Variants in ZNF638 observed in about 807,000 individuals in gnomAD.
The protein encoded by ZNF638 is CTCL tumor antigen se33-1.
Under a neutral mutation model 195.6 loss-of-function variants are expected in ZNF638, and 46 were observed. That is an observed-to-expected ratio of 0.24 (90% CI 0.19 to 0.30). The LOEUF (loss-of-function observed/expected upper bound fraction) is 0.30. Among genes scored for constraint, ZNF638 ranks in the 10% least tolerant of loss-of-function variants. The pLI, the probability that ZNF638 is intolerant of heterozygous loss-of-function variation, is 1.00. For synonymous variants in ZNF638, 845 were observed against 772.0 expected, an observed-to-expected ratio of 1.09 and a Z score of -1.57; for missense variants, 2,440 against 2,325.3, an observed-to-expected ratio of 1.05 and a Z score of -1.01.
At chr2:71,334,789 C>T (rs971178095) in intron 1 of ZNF638, among the ~76,000 whole-genome samples, 3 of 151,808 alleles carry the variant, frequency 2.0e-5, no homozygotes, top group Non-Finnish European at 4.4e-5. Flanking sequence ...GGCGTGGTGG[C>T]GGGCGCCTGT....
intron 8 of ZNF638, among the ~76,000 whole-genome samples, chr2:71,371,630 G>A (rs2079315202): frequency 6.6e-6 from 1 of 151,608 alleles, no homozygotes; most frequent in Non-Finnish European, 1.5e-5. Context: ...GTGCCTTTTT[G>A]CCATTTATGT....
chr2:71,352,495 T>TAAAAAAAAAAAAAAAAAA (rs58110916), intron 2 of ZNF638, among the ~76,000 whole-genome samples: 1 of 134,630 alleles, frequency 7.4e-6, no homozygotes, highest in Non-Finnish European at 1.6e-5. Flanking sequence ...ATAAAAAAAA[T>TAAAAAAAAAAAAAAAAAA]AAAAAAAAAA....
chr2:71,372,301 C>G (rs1265361176), intron 8 of ZNF638, among the ~76,000 whole-genome samples: 1 of 152,122 alleles, frequency 6.6e-6, no homozygotes, highest in Admixed American at 6.5e-5. Context: ...GTGAGACTTG[C>G]CAAGAAATTC....
intron 20 of ZNF638, chr2:71,418,305 G>A (rs1450138818): frequency 8.7e-6 from 2 of 228,992 alleles, no homozygotes; most frequent in Non-Finnish European, 8.3e-6. Context: ...TTATTGTTTA[G>A]GGAAAAGATA....
At chr2:71,336,980 A>C (rs570684738) in intron 1 of ZNF638, among the ~76,000 whole-genome samples, 4 of 152,188 alleles carry the variant, frequency 2.6e-5, no homozygotes, top group Non-Finnish European at 5.9e-5. Context: ...ATTTCCCCAA[A>C]GATTAGATTA....
At chr2:71,411,157 C>T (rs1487122995) in intron 20 of ZNF638, among the ~76,000 whole-genome samples, 4 of 151,374 alleles carry the variant, frequency 2.6e-5, no homozygotes, top group Non-Finnish European at 5.9e-5. Flanking sequence ...CCTACCATGC[C>T]CACTAATTTT....
At position 71,418,923 on chromosome 2, in the gene ZNF638, ACT is replaced by A. The variant is rs766882936; in HGVS notation, c.3299+288_3299+289del. 5.3e-5 allele frequency among the ~76,000 whole-genome samples: 8 copies of A among 152,108 alleles called. No homozygotes were observed. In the South Asian group the frequency reaches 8.3e-4, roughly 16 times the overall value. On this transcript the variant is annotated intron_variant, in intron 21 of 27. Coordinates refer to ENST00000264447, the MANE Select transcript of ZNF638 (RefSeq NM_014497.5). ...AAACCACTTTATAAAATGTTTTAAGACTCTCGAATAACTCAACATCACGAACA... is the reference window on the plus strand; with the variant it reads ...AAACCACTTTATAAAATGTTTTAAGACTCGAATAACTCAACATCACGAACA...
chr2:71,417,738 A>C (rs1460713560), intron 20 of ZNF638, among the ~76,000 whole-genome samples: 4 of 152,060 alleles, frequency 2.6e-5, no homozygotes, highest in Non-Finnish European at 5.9e-5. Context: ...ATTGGGACTT[A>C]AAAACCATCA....
At chr2:71,428,272 C>T (rs908571915) in intron 24 of ZNF638, among the ~76,000 whole-genome samples, 4 of 152,076 alleles carry the variant, frequency 2.6e-5, no homozygotes, top group Admixed American at 2.6e-4. Flanking sequence ...GCTTATGGAA[C>T]AAATTAGAAA....
At chr2:71,337,502 T>A (rs993435361) in intron 1 of ZNF638, among the ~76,000 whole-genome samples, 2 of 152,006 alleles carry the variant, frequency 1.3e-5, no homozygotes, top group Non-Finnish European at 2.9e-5. Context: ...AATCTCTGCC[T>A]CCTGGGCTCA....
intron 10 of ZNF638, chr2:71,395,711 G>C (rs1465628131): frequency 1.8e-5 from 8 of 443,128 alleles, no homozygotes; most frequent in Non-Finnish European, 3.4e-5. Context: ...TCTCTCTTTG[G>C]TGTCTCTAAG....
intron 7 of ZNF638, among the ~76,000 whole-genome samples, chr2:71,369,082 C>T (rs1314248394): frequency 3.9e-5 from 6 of 152,100 alleles, no homozygotes; most frequent in African/African-American, 9.7e-5. Flanking sequence ...TGCCTGTAAT[C>T]GCAGCACTTT....
At chr2:71,425,632 A>T (rs924386444) in intron 23 of ZNF638, among the ~76,000 whole-genome samples, 6 of 152,090 alleles carry the variant, frequency 3.9e-5, no homozygotes, top group Admixed American at 3.9e-4. Flanking sequence ...TAATTTTTTC[A>T]TACAACTTTC....
At chr2:71,417,954 G>C (rs779639290) in intron 20 of ZNF638, among the ~76,000 whole-genome samples, 5 of 152,126 alleles carry the variant, frequency 3.3e-5, no homozygotes, top group Non-Finnish European at 7.3e-5. Flanking sequence ...TGATTTCTCA[G>C]AAAAGGCTTC....
chr2:71,402,756 G>A (rs774620655), intron 16 of ZNF638, among the ~76,000 whole-genome samples: 3 of 152,122 alleles, frequency 2.0e-5, no homozygotes, highest in African/African-American at 7.2e-5. Context: ...TTAATTGAGC[G>A]AGATTTCAGG....
rs572267716 is a variant in ZNF638 at position 71,333,517 on chromosome 2, G to C, written c.-203+1642G>C. On this transcript the variant is annotated intron_variant, in intron 1 of 27. Transcript: ENST00000264447. The stretch of plus-strand genomic sequence containing the variant: ...ACGGCAGGTACTCTAGGTTAAAAAG[G>C]TTTAGGTACTGTAGTTTAAAAAAGT... 2.6e-5 allele frequency among the ~76,000 whole-genome samples: 4 copies of C among 152,154 alleles called. No individual in the cohort carries two copies. The South Asian group carries it at 8.3e-4, about 32-fold the overall frequency.
chr2:71,417,651 C>G (rs962620793), intron 20 of ZNF638, among the ~76,000 whole-genome samples: 1 of 151,486 alleles, frequency 6.6e-6, no homozygotes, highest in Non-Finnish European at 1.5e-5. Flanking sequence ...TCCTCTGATA[C>G]CATGCAGGGT....
intron 2 of ZNF638, among the ~76,000 whole-genome samples, chr2:71,355,044 C>T (rs1375709374): frequency 6.6e-6 from 1 of 152,138 alleles, no homozygotes; most frequent in Non-Finnish European, 1.5e-5. Context: ...TCTCGGCTCA[C>T]TGCAAGCTCC....
chr2:71,400,443 T>C, intron 14 of ZNF638, 35 bp from the exon 15 acceptor site: 1 of 1,586,008 alleles, frequency 6.3e-7, no homozygotes, highest in Non-Finnish European at 8.6e-7. Flanking sequence ...TTGATAAGTA[T>C]GTCTGCATTG....
Sources: gnomAD v4.1 joint callset for allele counts (sites outside exome capture counted in the v4.1 genomes callset) on GRCh38, gnomAD v4.1.1 for gene constraint, MANE v1.5 for transcripts, NCBI Gene and HGNC (gene_info 2026-07-23, HGNC 2026-07-21) for gene names.